Variants in ATP8A1 observed in about 807,000 individuals in gnomAD.
The protein encoded by ATP8A1 is ATPase phospholipid transporting 8A1, also known as phospholipid-transporting ATPase IA.
In ATP8A1, 90 loss-of-function variants were observed where a neutral mutation model predicts 177.7. The observed-to-expected ratio is 0.51, with a 90% CI of 0.43 to 0.60. The LOEUF (loss-of-function observed/expected upper bound fraction) is 0.60. Ranked by LOEUF, ATP8A1 falls within the 20% of genes least tolerant of loss-of-function variation. The pLI is 0.00. For synonymous variants in ATP8A1, 493 were observed against 485.9 expected, an observed-to-expected ratio of 1.01 and a Z score of -0.19; for missense variants, 1,072 against 1,392.8, an observed-to-expected ratio of 0.77 and a Z score of 3.67.
chr4:42,605,398 T>G (rs1319929057), intron 5 of ATP8A1, among the ~76,000 whole-genome samples: 1 of 151,704 alleles, frequency 6.6e-6, no homozygotes, highest in African/African-American at 2.4e-5. Flanking sequence ...CTCCTCAACA[T>G]GCTGTGACTT....
chr4:42,559,461 A>G (rs1473097350), intron 15 of ATP8A1, among the ~76,000 whole-genome samples: 1 of 152,226 alleles, frequency 6.6e-6, no homozygotes, highest in African/African-American at 2.4e-5. Context: ...TGTGGCAAAA[A>G]TAAAACTTGA....
intron 15 of ATP8A1, among the ~76,000 whole-genome samples, chr4:42,556,913 G>A (rs188526547): frequency 3.3e-4 from 51 of 152,242 alleles, no homozygotes; most frequent in South Asian, 6.2e-4. Context: ...AATCCAGAAA[G>A]CTTTTGATCA....
At chr4:42,504,972 T>C (rs965943288) in intron 23 of ATP8A1, among the ~76,000 whole-genome samples, 2 of 152,222 alleles carry the variant, frequency 1.3e-5, no homozygotes, top group South Asian at 2.1e-4. Flanking sequence ...CTCTTTTAGG[T>C]TGTTCCTCAG....
At chr4:42,445,110 T>G (rs1717070659) in intron 31 of ATP8A1, among the ~76,000 whole-genome samples, 1 of 152,240 alleles carries the variant, frequency 6.6e-6, no homozygotes, top group Non-Finnish European at 1.5e-5. Context: ...GGAACTTTAC[T>G]TAAAACCTTG....
At chr4:42,589,507 C>A (rs1349027834) in intron 7 of ATP8A1, among the ~76,000 whole-genome samples, 3 of 152,240 alleles carry the variant, frequency 2.0e-5, no homozygotes, top group Non-Finnish European at 2.9e-5. Context: ...AGACATTAAT[C>A]AAAAATATTT....
Position 42,594,407 on chromosome 4 carries a change from A to G in ATP8A1, c.451-3523T>C, listed in dbSNP as rs770386154. 7 of 1,086,026 alleles carry G rather than the reference A, an allele frequency of 6.4e-6. No homozygotes were observed. The East Asian group carries it at 1.7e-4, about 26-fold the overall frequency. The allele number at this position is 1,086,026 out of a possible 1,614,324, so 67.3% of individuals were successfully genotyped here. A position where few individuals can be genotyped will look rare whatever the true frequency, so the allele number is the denominator to read the frequency against. Reference sequence around the variant, plus strand: ...TGGTTAATTATCTGCATTGAAAGATAGTTACAAATATACAACCCATTGTAA... The same window carrying G: ...TGGTTAATTATCTGCATTGAAAGATGGTTACAAATATACAACCCATTGTAA... On this transcript the variant is annotated intron_variant, in intron 6 of 36. Transcript: ENST00000381668.
At chr4:42,588,874 T>C (rs1018923252) in intron 7 of ATP8A1, among the ~76,000 whole-genome samples, 2 of 152,174 alleles carry the variant, frequency 1.3e-5, no homozygotes, top group African/African-American at 2.4e-5. Flanking sequence ...AAAAAAGTAA[T>C]ATGAACAAAT....
At chr4:42,414,766 G>C (rs1473313779) in intron 35 of ATP8A1, 48 bp from the exon 36 acceptor site, 8 of 1,438,908 alleles carry the variant, frequency 5.6e-6, no homozygotes, top group Non-Finnish European at 7.8e-6. Flanking sequence ...ACTCGGCAGA[G>C]ACCCCAGTGT....
At chr4:42,442,618 C>T (rs538503567) in intron 33 of ATP8A1, among the ~76,000 whole-genome samples, 2 of 152,306 alleles carry the variant, frequency 1.3e-5, no homozygotes, top group South Asian at 2.1e-4. Flanking sequence ...AATTTAACCA[C>T]AAATTTTTAA....
intron 4 of ATP8A1, among the ~76,000 whole-genome samples, chr4:42,622,876 G>T (rs1053746728): frequency 2.6e-5 from 4 of 152,108 alleles, no homozygotes; most frequent in Non-Finnish European, 5.9e-5. Flanking sequence ...GGGCATGGTG[G>T]CGCATGCCTG....
intron 22 of ATP8A1, among the ~76,000 whole-genome samples, chr4:42,508,879 A>C (rs1183961899): frequency 6.6e-6 from 1 of 152,376 alleles, no homozygotes; most frequent in South Asian, 2.1e-4. Context: ...GCCATTTTCT[A>C]CTTTTCCTTA....
intron 20 of ATP8A1, among the ~76,000 whole-genome samples, chr4:42,538,985 G>A (rs1374447282): frequency 1.3e-5 from 2 of 152,126 alleles, no homozygotes; most frequent in Admixed American, 6.5e-5. Context: ...ATTTGCAATT[G>A]CAAAAATATG....
intron 1 of ATP8A1, among the ~76,000 whole-genome samples, chr4:42,630,574 G>A (rs951627746): frequency 1.2e-4 from 19 of 152,138 alleles, no homozygotes; most frequent in Non-Finnish European, 1.6e-4. Context: ...AGAAAGAAAC[G>A]CATCTTAATC....
intron 5 of ATP8A1, among the ~76,000 whole-genome samples, chr4:42,601,036 T>TTTC (rs1735204462): frequency 8.9e-6 from 1 of 112,396 alleles, no homozygotes; most frequent in Non-Finnish European, 2.0e-5. Flanking sequence ...AAATTTTCTT[T>TTTC]TTTTTTTTTT....
chr4:42,440,270 A>G (rs1239132904), intron 33 of ATP8A1, among the ~76,000 whole-genome samples: 1 of 151,670 alleles, frequency 6.6e-6, no homozygotes, highest in African/African-American at 2.4e-5. Context: ...CTTGCAATAC[A>G]ACAGTCAGAG....
chr4:42,445,365 T>TA (rs1268343450), intron 31 of ATP8A1, among the ~76,000 whole-genome samples: 1 of 152,220 alleles, frequency 6.6e-6, no homozygotes, highest in Non-Finnish European at 1.5e-5. Flanking sequence ...CCTATACTTG[T>TA]AAACTGGGAC....
At chr4:42,508,005 T>C (rs958468157) in intron 22 of ATP8A1, among the ~76,000 whole-genome samples, 2 of 152,198 alleles carry the variant, frequency 1.3e-5, no homozygotes, top group Admixed American at 6.5e-5. Context: ...ACAAGTTGAA[T>C]GTTTTTCACA....
chr4:42,446,446 T>C (rs1717264039), intron 31 of ATP8A1, 137 bp downstream of exon 31: 1 of 712,194 alleles, frequency 1.4e-6, no homozygotes, highest in Admixed American at 2.9e-5. Context: ...CCCTGGGTCT[T>C]ACTTAATTTT....
intron 2 of ATP8A1, chr4:42,626,643 T>C: frequency 7.9e-6 from 2 of 253,122 alleles, no homozygotes; most frequent in South Asian, 5.1e-5. Flanking sequence ...TGGTGCAGAA[T>C]TGCAAAGACC....
Sources: gnomAD v4.1 joint callset for allele counts (sites outside exome capture counted in the v4.1 genomes callset) on GRCh38, gnomAD v4.1.1 for gene constraint, MANE v1.5 for transcripts, NCBI Gene and HGNC (gene_info 2026-07-23, HGNC 2026-07-21) for gene names.